AASDH: variants seen among roughly 807,000 people sequenced by gnomAD.
AASDH encodes the protein beta-alanine-activating enzyme.
A neutral mutation model predicts 102.3 loss-of-function variants in AASDH; 81 were observed. That is an observed-to-expected ratio of 0.79 (90% CI 0.66 to 0.95). The LOEUF (loss-of-function observed/expected upper bound fraction) is 0.95. Among genes scored for constraint, AASDH ranks in the 40% least tolerant of loss-of-function variants. The pLI is 0.00. For synonymous variants in AASDH, 398 were observed against 454.0 expected (o/e 0.88, Z 1.57); for missense variants, 1,203 against 1,266.2 (o/e 0.95, Z 0.76).
At chr4:56,376,578 G>A (rs914011793) in intron 4 of AASDH, among the ~76,000 whole-genome samples, 6 of 152,090 alleles carry the variant, frequency 3.9e-5, no homozygotes, top group African/African-American at 1.4e-4. Flanking sequence ...AGGCCTGCAT[G>A]TGCCATCCAA....
chr4:56,378,348 A>G lies in AASDH; in HGVS notation c.468T>C (p.Asn156=). ...WKNTEVNLML[N]DGKEKYEKEK... ...CTTTTTCATATTTCTCTTTTCCATC[A>G]TTTAGCATCAAGTTCACCTCAGTAT... is the stretch of plus-strand genomic sequence containing the variant. The change falls in exon 4 of 15, where the codon AAT becomes AAC. Residue 156 remains asparagine (N), a synonymous_variant. Coordinates refer to ENST00000205214, the MANE Select transcript of AASDH (RefSeq NM_181806.4). 1 of 1,613,894 alleles carries G rather than the reference A, an allele frequency of 6.2e-7. No homozygotes were observed. The highest frequency in any genetic ancestry group is 8.5e-7 in the Non-Finnish European group (1 of 1,179,954).
At chr4:56,367,803 C>T (rs1462335012) in intron 5 of AASDH, among the ~76,000 whole-genome samples, 3 of 151,752 alleles carry the variant, frequency 2.0e-5, no homozygotes, top group East Asian at 3.9e-4. Flanking sequence ...AGCACATAGG[C>T]ATGGGCAAGG....
chr4:56,377,785 T>C (rs1463260566), intron 4 of AASDH, among the ~76,000 whole-genome samples: 1 of 152,134 alleles, frequency 6.6e-6, no homozygotes, highest in Non-Finnish European at 1.5e-5. Flanking sequence ...ATTATTTTTT[T>C]CCCTTTAAAA....
At chr4:56,360,350 G>GCTC (rs1750148997) in intron 5 of AASDH, among the ~76,000 whole-genome samples, 1 of 152,154 alleles carries the variant, frequency 6.6e-6, no homozygotes, top group Non-Finnish European at 1.5e-5. Context: ...GAGCTGTAGG[G>GCTC]CTCCCTACTG....
chr4:56,387,043 A>G (rs2110024850), intron 1 of AASDH, among the ~76,000 whole-genome samples: 2 of 152,274 alleles, frequency 1.3e-5, no homozygotes, highest in South Asian at 4.1e-4. Context: ...AATTTACGGT[A>G]TGCAACGAGT....
chr4:56,371,349 T>C, intron 5 of AASDH, 102 bp downstream of exon 5: 1 of 1,228,828 alleles, frequency 8.1e-7, no homozygotes, highest in Non-Finnish European at 1.1e-6. Context: ...AACCAGATTA[T>C]ATTAATCCAT....
In AASDH at chr4:56,378,400, A is replaced by AG. The variant is rs750829432; in HGVS notation, c.415dup (p.Leu139ProfsTer12). 6.2e-7 allele frequency: 1 copy of AG among 1,613,450 alleles called. No individual in the cohort carries two copies. Among genetic ancestry groups the AG allele is most frequent in the Non-Finnish European group, 8.5e-7 (1 of 1,179,746 alleles). ...TTTCCAGTGAAGTCTGAAGAGCACTAGGTCATTATGTTCCACTGTAAATGT... is the reference window on the plus strand; with the variant it reads ...TTTCCAGTGAAGTCTGAAGAGCACTAGGGTCATTATGTTCCACTGTAAATGT... On this transcript the variant is annotated frameshift_variant, in exon 4 of 15. Coordinates refer to ENST00000205214, the MANE Select transcript of AASDH (RefSeq NM_181806.4). LOFTEE classifies it high-confidence loss of function.
At chr4:56,364,950 C>T (rs1406958542) in intron 5 of AASDH, among the ~76,000 whole-genome samples, 1 of 152,158 alleles carries the variant, frequency 6.6e-6, no homozygotes, top group African/African-American at 2.4e-5. Context: ...CAAGACCCAT[C>T]AGTGTGCTGT....
chr4:56,376,720 A>C, intron 4 of AASDH, among the ~76,000 whole-genome samples: 1 of 152,346 alleles, frequency 6.6e-6, no homozygotes, highest in African/African-American at 2.4e-5. Flanking sequence ...TTTTATATTG[A>C]TTACATATTG....
At chr4:56,357,972 T>C (rs1250749786) in intron 5 of AASDH, among the ~76,000 whole-genome samples, 25 of 152,184 alleles carry the variant, frequency 1.6e-4, no homozygotes, top group Admixed American at 1.2e-3. Flanking sequence ...AAACTTCTAA[T>C]CTATAAAGAC....
intron 5 of AASDH, chr4:56,356,288 A>C (rs1577994391): frequency 8.4e-7 from 1 of 1,186,360 alleles, no homozygotes; most frequent in East Asian, 2.3e-5. Flanking sequence ...AGACCTCACC[A>C]GCTTTGTGAA....
At chr4:56,375,934 C>G (rs1234053421) in intron 4 of AASDH, among the ~76,000 whole-genome samples, 1 of 151,990 alleles carries the variant, frequency 6.6e-6, no homozygotes, top group Admixed American at 6.6e-5. Context: ...GTATCTTACT[C>G]CTTTGTTAAT....
intron 4 of AASDH, among the ~76,000 whole-genome samples, chr4:56,373,408 G>C (rs1751971504): frequency 6.6e-6 from 1 of 152,138 alleles, no homozygotes; most frequent in South Asian, 2.1e-4. Flanking sequence ...CTCCCAAAGT[G>C]CTGGGATTAC....
Position 56,353,543 on chromosome 4 carries a change from C to G in AASDH, c.1437G>C (p.Gln479His), listed in dbSNP as rs780025073. 6.2e-7 allele frequency: 1 copy of G among 1,613,282 alleles called. No individual in the cohort carries two copies. The highest frequency in any genetic ancestry group is 1.1e-5 in the South Asian group (1 of 91,038). Residue 479 changes from glutamine to histidine, a missense_variant, in exon 9 of 15, where the codon CAG (glutamine) becomes CAC (histidine). Physicochemically the swap from Gln to His is conservative, Grantham distance 24. Transcript: ENST00000205214. ...ACACCATGAAGAGAATTAATTTTTC[C>G]TGATTATACCATGTAACTGCACAAG... ...VESCAVTWYNQEKLILFMVSK... is the reference protein window; with the variant it reads ...VESCAVTWYNHEKLILFMVSK...
At position 56,384,202 on chromosome 4, in the gene AASDH, T is replaced by C; in HGVS notation, c.98A>G (p.Tyr33Cys). 1 of 1,614,158 alleles carries C rather than the reference T, an allele frequency of 6.2e-7. No individual in the cohort carries two copies. Among genetic ancestry groups the C allele is most frequent in the Non-Finnish European group, 8.5e-7 (1 of 1,180,012 alleles). Residue 33 changes from tyrosine to cysteine, a missense_variant, in exon 2 of 15, where the codon TAC becomes TGC. By Grantham distance (194) the Tyr-to-Cys change is radical. Coordinates refer to ENST00000205214, the MANE Select transcript of AASDH (RefSeq NM_181806.4). ...AGCATTAACCACAGTCTTGTAGGTG[T>C]AGTAAACTGGAAGCTGGTTGTTGCA... ...DECNNQLPVYYTYKTVVNAAS... is the reference protein window; with the variant it reads ...DECNNQLPVYCTYKTVVNAAS...
In AASDH at chr4:56,353,577, T is replaced by C. The variant is rs759786932; in HGVS notation, c.1403A>G (p.Gln468Arg). Reference protein sequence around the residue: ...LVQQVAEELQQVESCAVTWYN... With the variant: ...LVQQVAEELQRVESCAVTWYN... ...CCATGTAACTGCACAAGACTCCACT[T>C]GCTGAAGCTCTTCAGCAACCTATAA... is the stretch of plus-strand genomic sequence containing the variant. Residue 468 changes from glutamine to arginine, a missense_variant, in exon 9 of 15, where the codon CAA (glutamine) becomes CGA (arginine). Gln to Arg is a conservative substitution (Grantham distance 43). Coordinates refer to ENST00000205214, the MANE Select transcript of AASDH (RefSeq NM_181806.4). The C allele has an allele frequency of 1.4e-5, 23 of 1,611,118 alleles. No homozygotes were observed. Among genetic ancestry groups the C allele is most frequent in the Middle Eastern group, 3.3e-4 (2 of 6,042 alleles).
intron 4 of AASDH, among the ~76,000 whole-genome samples, chr4:56,372,514 A>G (rs73162272): frequency 0.026 from 4,012 of 152,342 alleles, 154 homozygotes; most frequent in East Asian, 0.19. Context: ...GCTCTTATAC[A>G]GCATGGATAG....
At position 56,354,620 on chromosome 4, in the gene AASDH, A is replaced by G. The variant is rs1030364886; in HGVS notation, c.1210+85T>C. On this transcript the variant is annotated intron_variant, in intron 7 of 14. Coordinates refer to ENST00000205214, the MANE Select transcript of AASDH (RefSeq NM_181806.4). ...ATCACTGAAAAGCATGAGATAGACAAAAGAAAAAGACGAAAGGAATAAAAT... is the reference window on the plus strand; with the variant it reads ...ATCACTGAAAAGCATGAGATAGACAGAAGAAAAAGACGAAAGGAATAAAAT... 1.1e-5 allele frequency: 11 copies of G among 1,026,018 alleles called. No individual in the cohort carries two copies. The African/African-American group carries it at 1.6e-4, about 15-fold the overall frequency. The allele number at this position is 1,026,018 out of a possible 1,614,324, so 63.6% of individuals were successfully genotyped here. A position where few individuals can be genotyped will look rare whatever the true frequency, so the allele number is the denominator to read the frequency against.
chr4:56,350,145 A>G, intron 10 of AASDH, 87 bp from the exon 11 acceptor site: 1 of 1,122,104 alleles, frequency 8.9e-7, no homozygotes, highest in South Asian at 1.7e-5. Context: ...TAGAGATGAG[A>G]GTACCTACAT....
Sources: allele counts gnomAD v4.1 joint callset (sites outside exome capture counted in the v4.1 genomes callset), GRCh38; gene constraint gnomAD v4.1.1; transcripts MANE v1.5; gene names NCBI Gene and HGNC (gene_info 2026-07-23, HGNC 2026-07-21).